The following SARAF variants were observed in gnomAD, a reference collection of about 807,000 sequenced individuals.
The protein encoded by SARAF is store-operated calcium entry associated regulatory factor.
In SARAF, 23 loss-of-function variants were observed where a neutral mutation model predicts 39.7. That is an observed-to-expected ratio of 0.58 (90% CI 0.42 to 0.82). The LOEUF is 0.82. SARAF is among the 40% of genes least tolerant of loss of function. The pLI is 0.00. For synonymous variants in SARAF, 175 were observed against 168.5 expected (o/e 1.04, Z -0.30); for missense variants, 384 against 418.5 (o/e 0.92, Z 0.72).
At chr8:30,069,160 G>A (rs1429093653) in intron 3 of SARAF, among the ~76,000 whole-genome samples, 2 of 94,980 alleles carry the variant, frequency 2.1e-5, no homozygotes, top group South Asian at 3.5e-4. Context: ...TTTTTTTGGA[G>A]ACAGGGTCTC....
intron 5 of SARAF, 99 bp from the exon 6 acceptor site, chr8:30,064,012 G>A (rs765783758): frequency 1.8e-4 from 192 of 1,057,038 alleles, no homozygotes; most frequent in Non-Finnish European, 2.5e-4. Flanking sequence ...GCAAATGAAT[G>A]AGATAGGAGG....
intron 3 of SARAF, among the ~76,000 whole-genome samples, chr8:30,069,066 A>G (rs1224012499): frequency 6.6e-6 from 1 of 151,566 alleles, no homozygotes; most frequent in Admixed American, 6.6e-5. Context: ...GACAGGAGTC[A>G]GGGCAAATGA....
intron 1 of SARAF, chr8:30,078,263 G>C (rs1585445656): frequency 2.2e-6 from 1 of 450,406 alleles, no homozygotes; most frequent in Admixed American, 2.4e-5. Flanking sequence ...GCTTCTGAAA[G>C]AATGAACAAG....
chr8:30,078,595 C>T (rs1315271866), intron 1 of SARAF, among the ~76,000 whole-genome samples: 1 of 152,142 alleles, frequency 6.6e-6, no homozygotes, highest in African/African-American at 2.4e-5. Context: ...CCAACCATCG[C>T]TTTGCTAATG....
At chr8:30,064,966 G>C (rs1375966466) in intron 5 of SARAF, among the ~76,000 whole-genome samples, 1 of 151,818 alleles carries the variant, frequency 6.6e-6, no homozygotes, top group African/African-American at 2.4e-5. Context: ...GCCTGTTTTT[G>C]CATGTGTATT....
chr8:30,072,667 T>C (rs919829926), intron 2 of SARAF, among the ~76,000 whole-genome samples: 2 of 152,218 alleles, frequency 1.3e-5, no homozygotes, highest in African/African-American at 4.8e-5. Context: ...TGCTACTAAA[T>C]GGCCTCTCTC....
chr8:30,082,935 G>A lies in SARAF; in HGVS notation c.15C>T (p.Cys5=), dbSNP rs1367835641. 3 of 1,544,992 alleles carry A rather than the reference G, an allele frequency of 1.9e-6. No individual in the cohort carries two copies. Among genetic ancestry groups the A allele is most frequent in the Admixed American group, 4.0e-5 (2 of 50,232 alleles). The part of the protein sequence containing the change: MAAA[C]GPGAAGYCLL... ...AGCAGTACCCGGCCGCTCCCGGCCCGCAGGCTGCGGCCATGGCGCTCGATG... is the reference window on the plus strand; with the variant it reads ...AGCAGTACCCGGCCGCTCCCGGCCCACAGGCTGCGGCCATGGCGCTCGATG... The change falls in exon 1 of 6, where the codon TGC becomes TGT. Residue 5 remains cysteine (C), a synonymous_variant. Coordinates refer to ENST00000256255, the MANE Select transcript of SARAF (RefSeq NM_016127.6).
intron 5 of SARAF, among the ~76,000 whole-genome samples, chr8:30,064,579 T>TTTTTTTTTTA (rs1554525205): frequency 7.9e-6 from 1 of 126,954 alleles, no homozygotes. Context: ...TTTTTTTTTT[T>TTTTTTTTTTA]GAGACAGAGT....
intron 5 of SARAF, among the ~76,000 whole-genome samples, chr8:30,064,191 C>G (rs941105627): frequency 1.3e-5 from 2 of 152,118 alleles, no homozygotes; most frequent in African/African-American, 4.8e-5. Context: ...CACCATGGTA[C>G]AGGCAATACT....
chr8:30,080,478 G>A (rs143441530), intron 1 of SARAF, among the ~76,000 whole-genome samples: 54 of 152,200 alleles, frequency 3.5e-4, no homozygotes, highest in African/African-American at 1.2e-3. Flanking sequence ...TCCTCCTTAC[G>A]CTGTTTATCA....
rs1446231320 is a variant in SARAF, at chr8:30,083,063, C to T, written c.-114G>A. 33 of 733,454 alleles carry T rather than the reference C, an allele frequency of 4.5e-5. No homozygotes were observed. The highest frequency in any genetic ancestry group is 6.2e-5 in the Non-Finnish European group (29 of 467,786). The allele number at this position is 733,454 out of a possible 1,614,324, so 45.4% of individuals were successfully genotyped here. On this transcript the variant is annotated 5_prime_UTR_variant, in exon 1 of 6. Transcript: ENST00000256255. ...GCTACCCCTGGCGGCGGCGAAGGAA[C>T]GGCCCGACTGCAGAGCTGCAGCCGC... is the stretch of plus-strand genomic sequence containing the variant.
chr8:30,067,014 G>T, intron 3 of SARAF, 96 bp from the exon 4 acceptor site: 1 of 1,257,940 alleles, frequency 7.9e-7, no homozygotes, highest in Non-Finnish European at 1.1e-6. Context: ...CATCTGTACT[G>T]AATTATTAAT....
At chr8:30,081,250 A>G (rs1471170839) in intron 1 of SARAF, among the ~76,000 whole-genome samples, 1 of 152,214 alleles carries the variant, frequency 6.6e-6, no homozygotes, top group African/African-American at 2.4e-5. Flanking sequence ...TTCCAGAACA[A>G]TAGTTTTACA....
At chr8:30,067,117 T>C (rs769065703) in intron 3 of SARAF, 199 bp from the exon 4 acceptor site, 4 of 593,318 alleles carry the variant, frequency 6.7e-6, no homozygotes, top group Admixed American at 6.2e-5. Flanking sequence ...CCCATAGATA[T>C]GGGAGGAGAG....
chr8:30,066,936 T>A lies in SARAF; in HGVS notation c.701-18A>T, dbSNP rs1465217700. Reference sequence around the variant, plus strand: ...CTGTGGTCCTTAAAATAAAAATGATTTATTATGTATCCTCACTTAAACATG... The same window carrying A: ...CTGTGGTCCTTAAAATAAAAATGATATATTATGTATCCTCACTTAAACATG... On this transcript the variant is annotated intron_variant, in intron 3 of 5. Transcript: ENST00000256255. 6.5e-7 allele frequency: 1 copy of A among 1,546,144 alleles called. No individual in the cohort carries two copies. The highest frequency in any genetic ancestry group is 8.9e-7 in the Non-Finnish European group (1 of 1,129,760).
chr8:30,070,771 T>C (rs1345555379), intron 2 of SARAF, among the ~76,000 whole-genome samples: 2 of 152,212 alleles, frequency 1.3e-5, no homozygotes, highest in Non-Finnish European at 2.9e-5. Context: ...AACAGCATCA[T>C]ATATGAATGT....
rs758906404 is a variant in SARAF, at chr8:30,069,865, A to T, written c.477T>A (p.Ser159=). Residue 159 remains serine (S), a synonymous_variant, in exon 3 of 6, where the codon TCT becomes TCA. Coordinates refer to ENST00000256255, the MANE Select transcript of SARAF (RefSeq NM_016127.6). ...SGKQHGFASF[S]DYYYKWSSAD... ...CCGAGGACCACTTATAATAATAATC[A>T]GAGAAAGAGGCAAAGCCGTGCTGCT... The T allele has an allele frequency of 6.2e-7, 1 of 1,614,062 alleles. No individual in the cohort carries two copies. Among genetic ancestry groups the T allele is most frequent in the Non-Finnish European group, 8.5e-7 (1 of 1,180,032 alleles).
intron 2 of SARAF, among the ~76,000 whole-genome samples, chr8:30,071,477 T>C (rs769870967): frequency 3.3e-5 from 5 of 152,264 alleles, no homozygotes; most frequent in Admixed American, 6.5e-5. Flanking sequence ...ATAATAGCCT[T>C]ATTGAAATAT....
At chr8:30,076,346 T>C (rs1801966254) in intron 1 of SARAF, among the ~76,000 whole-genome samples, 2 of 152,172 alleles carry the variant, frequency 1.3e-5, no homozygotes, top group African/African-American at 4.8e-5. Flanking sequence ...TTGTCCTCTG[T>C]GGGAGACTGG....
Sources: allele counts gnomAD v4.1 joint callset (sites outside exome capture counted in the v4.1 genomes callset), GRCh38; gene constraint gnomAD v4.1.1; transcripts MANE v1.5; gene names NCBI Gene and HGNC (gene_info 2026-07-23, HGNC 2026-07-21).